Variants in P2RX7 observed in about 807,000 individuals in gnomAD.
P2RX7 encodes P2X purinoceptor 7.
P2RX7 carries 62 observed loss-of-function variants against 71.6 expected under a neutral mutation model. The ratio of observed to expected loss-of-function variants is 0.87; its 90% CI spans 0.71 to 1.07. P2RX7 has a LOEUF of 1.07. Among genes scored for constraint, P2RX7 ranks in the 50% least tolerant of loss-of-function variants. The pLI, the probability that P2RX7 is intolerant of heterozygous loss-of-function variation, is 0.00. For missense variants in P2RX7, 686 were observed against 748.5 expected (o/e 0.92, Z 0.97); for synonymous variants, 299 against 283.3 (o/e 1.06, Z -0.56).
chr12:121,165,954 G>A (rs887357609), intron 6 of P2RX7, 104 bp from the exon 7 acceptor site: 32 of 1,241,928 alleles, frequency 2.6e-5, no homozygotes, highest in Non-Finnish European at 3.5e-5. Context: ...ATCATTTGGG[G>A]CTTTCATGGA....
rs11065467 is a variant in P2RX7, at chr12:121,167,958, G to A, written c.881+334G>A. Among the ~76,000 whole-genome samples, 55 of 151,784 alleles carry A rather than the reference G, an allele frequency of 3.6e-4. No individual in the cohort carries two copies. In the South Asian group the frequency reaches 9.2e-3, roughly 25 times the overall value. ...CTCCCAAGTAGCTGAGATTATAGGCGGATGCACACTGTTTATAAAACAAAA... is the reference window on the plus strand; with the variant it reads ...CTCCCAAGTAGCTGAGATTATAGGCAGATGCACACTGTTTATAAAACAAAA... On this transcript the variant is annotated intron_variant, in intron 8 of 12. Transcript: ENST00000328963.
At chr12:121,143,357 G>A (rs1875419516) in intron 1 of P2RX7, among the ~76,000 whole-genome samples, 1 of 151,980 alleles carries the variant, frequency 6.6e-6, no homozygotes, top group East Asian at 1.9e-4. Context: ...TCACTCTGCT[G>A]CACTCCAGCC....
At chr12:121,158,416 G>A (rs1879010818) in intron 3 of P2RX7, among the ~76,000 whole-genome samples, 1 of 152,172 alleles carries the variant, frequency 6.6e-6, no homozygotes, top group South Asian at 2.1e-4. Flanking sequence ...ACCCCTAAGA[G>A]TTACCCTCTC....
intron 7 of P2RX7, among the ~76,000 whole-genome samples, chr12:121,167,200 G>C (rs1259201040): frequency 1.3e-5 from 2 of 152,044 alleles, no homozygotes; most frequent in Non-Finnish European, 2.9e-5. Flanking sequence ...ATGGGGGCGT[G>C]GGGGGCATTA....
At chr12:121,146,385 T>C (rs1876218227) in intron 1 of P2RX7, among the ~76,000 whole-genome samples, 1 of 143,846 alleles carries the variant, frequency 7.0e-6, no homozygotes, top group Non-Finnish European at 1.5e-5. Context: ...CTCTGCCTCC[T>C]GGTTTCAAGT....
Position 121,174,640 on chromosome 12 carries a change from C to A in P2RX7, c.882-748C>A, listed in dbSNP as rs189667876. 4.1e-3 allele frequency among the ~76,000 whole-genome samples: 627 copies of A among 152,256 alleles called. 4 individuals carry two copies. The highest frequency in any genetic ancestry group is 0.014 in the African/African-American group (593 of 41,552). ...CAGTTTGCTGAGGTGTGCCTGTCTC[C>A]AGTCCAGTAATTAGTATGCAAGATT... On this transcript the variant is annotated intron_variant, in intron 8 of 12. Transcript: ENST00000328963.
intron 8 of P2RX7, among the ~76,000 whole-genome samples, chr12:121,171,467 C>T (rs756859324): frequency 1.3e-5 from 2 of 149,866 alleles, no homozygotes; most frequent in African/African-American, 4.9e-5. Context: ...CGGGCTCAAG[C>T]GATTTGATCT....
At chr12:121,145,605 C>A (rs909234374) in intron 1 of P2RX7, among the ~76,000 whole-genome samples, 12 of 151,610 alleles carry the variant, frequency 7.9e-5, no homozygotes, top group Non-Finnish European at 1.5e-5. Context: ...CTCCTGGGTT[C>A]AAGTGATTCT....
chr12:121,155,167 T>G lies in P2RX7; in HGVS notation c.294+214T>G, dbSNP rs373941561. 32 of 1,500,558 alleles carry G rather than the reference T, an allele frequency of 2.1e-5. 3 individuals carry two copies. In the African/African-American group the frequency reaches 4.1e-4, roughly 19 times the overall value. 93.0% of individuals were successfully genotyped at this position (1,500,558 alleles called of 1,614,324 possible). ...GCTTTATCAAGTCCTACAGGGTTTC[T>G]CAAAATAGCCTCATGTCCTGGTGCA... On this transcript the variant is annotated intron_variant, in intron 2 of 12. Coordinates refer to ENST00000328963, the MANE Select transcript of P2RX7 (RefSeq NM_002562.6).
intron 1 of P2RX7, among the ~76,000 whole-genome samples, chr12:121,141,361 C>G (rs904047347): frequency 2.0e-5 from 3 of 152,200 alleles, no homozygotes; most frequent in African/African-American, 7.2e-5. Flanking sequence ...AGTGCAGCCT[C>G]CCACCCTGGG....
intron 5 of P2RX7, 90 bp downstream of exon 5, chr12:121,162,610 C>G (rs1879977187): frequency 4.7e-6 from 7 of 1,490,760 alleles, no homozygotes; most frequent in African/African-American, 1.4e-5. Context: ...CCTCTCAGCA[C>G]AGCCCTGCAA....
At chr12:121,140,230 CAA>C (rs34762444) in intron 1 of P2RX7, among the ~76,000 whole-genome samples, 21,608 of 152,076 alleles carry the variant, frequency 0.14, 2,422 homozygotes, top group African/African-American at 0.32. Flanking sequence ...GACCTGGAAA[CAA>C]GAGGAACAGC....
rs1491165532 is a variant in P2RX7, at chr12:121,163,359, C to CAA, written c.533+840_533+841insAA. ...ACACACACACACACACACACACACGCACACACACACACACACACAATCTAC... is the reference window on the plus strand; with the variant it reads ...ACACACACACACACACACACACACGCAAACACACACACACACACACAATCTAC... On this transcript the variant is annotated intron_variant, in intron 5 of 12. Transcript: ENST00000328963. 7.6e-5 allele frequency among the ~76,000 whole-genome samples: 5 copies of CAA among 65,528 alleles called. 1 individual carries two copies. The highest frequency in any genetic ancestry group is 2.5e-4 in the African/African-American group (5 of 20,152). The allele number at this position is 65,528 out of a possible 152,430, so 43.0% of individuals were successfully genotyped here.
chr12:121,138,312 A>T (rs188363288), intron 1 of P2RX7, among the ~76,000 whole-genome samples: 36 of 152,380 alleles, frequency 2.4e-4, no homozygotes, highest in Non-Finnish European at 4.3e-4. Context: ...TATGTACAAG[A>T]TATCCTCACA....
intron 1 of P2RX7, among the ~76,000 whole-genome samples, chr12:121,141,321 G>A (rs1874799407): frequency 1.3e-5 from 2 of 152,198 alleles, no homozygotes; most frequent in Admixed American, 1.3e-4. Flanking sequence ...TTTCTCTCCT[G>A]CACCTGCAGG....
rs761586644 is a variant in P2RX7 at position 121,132,932 on chromosome 12, G to A, written c.-39G>A. The A allele has an allele frequency of 6.2e-6, 10 of 1,611,752 alleles. No individual in the cohort carries two copies. Among genetic ancestry groups the A allele is most frequent in the Non-Finnish European group, 7.6e-6 (9 of 1,179,822 alleles). ...CTGTGGCCCTGTCAGGAAGAGTAGA[G>A]CTCTGGTCCAGCTCCGCGCAGGGAG... is the stretch of plus-strand genomic sequence containing the variant. On this transcript the variant is annotated 5_prime_UTR_variant, in exon 1 of 13. Transcript: ENST00000328963.
intron 3 of P2RX7, among the ~76,000 whole-genome samples, chr12:121,157,268 G>A (rs992644948): frequency 1.3e-5 from 2 of 152,100 alleles, no homozygotes; most frequent in African/African-American, 2.4e-5. Context: ...TTTTGCTCAC[G>A]GGCCCACTCT....
intron 2 of P2RX7, among the ~76,000 whole-genome samples, chr12:121,155,732 C>T (rs2136045956): frequency 6.6e-6 from 1 of 152,060 alleles, no homozygotes; most frequent in South Asian, 2.1e-4. Flanking sequence ...ATGAAGGCTG[C>T]TCCCCTACCC....
chr12:121,159,497 A>G (rs1306208383), intron 3 of P2RX7, among the ~76,000 whole-genome samples: 1 of 151,474 alleles, frequency 6.6e-6, no homozygotes, highest in African/African-American at 2.4e-5. Flanking sequence ...AAGGTCTCTC[A>G]GCTAGAAAAT....
Sources: gnomAD v4.1 joint callset for allele counts (sites outside exome capture counted in the v4.1 genomes callset) on GRCh38, gnomAD v4.1.1 for gene constraint, MANE v1.5 for transcripts, NCBI Gene and HGNC (gene_info 2026-07-23, HGNC 2026-07-21) for gene names.